CGGBP1: variants seen among roughly 807,000 people sequenced by gnomAD.
CGGBP1 encodes the protein CGG triplet repeat binding protein 1.
CGGBP1 carries 4 observed loss-of-function variants against 11.4 expected under a neutral mutation model. That is an observed-to-expected ratio of 0.35 (90% CI 0.17 to 0.80). CGGBP1 has a LOEUF of 0.80. Ranked by LOEUF, CGGBP1 falls within the 30% of genes least tolerant of loss-of-function variation. CGGBP1 has a pLI of 0.52. For missense variants in CGGBP1, 135 were observed against 202.1 expected (o/e 0.67, Z 2.01); for synonymous variants, 76 against 74.1 (o/e 1.03, Z -0.13).
chr3:88,118,318 A>G (rs2107788430), intron 2 of CGGBP1, among the ~76,000 whole-genome samples: 1 of 152,202 alleles, frequency 6.6e-6, no homozygotes, highest in East Asian at 1.9e-4. Context: ...ATGGGATATC[A>G]TGTCCCAAGC....
At chr3:88,071,634 T>C (rs1371240702) in intron 2 of CGGBP1, among the ~76,000 whole-genome samples, 3 of 43,666 alleles carry the variant, frequency 6.9e-5, no homozygotes, top group Non-Finnish European at 1.6e-4. Context: ...AGACTCCATC[T>C]CAAAAACAAA....
upstream of CGGBP1, among the ~76,000 whole-genome samples, chr3:88,059,841 T>C (rs1013175322): frequency 2.0e-5 from 3 of 152,268 alleles, no homozygotes; most frequent in South Asian, 2.1e-4. Context: ...GCCTTTCTTA[T>C]GTTTCCTACC....
intron 2 of CGGBP1, among the ~76,000 whole-genome samples, chr3:88,081,386 A>C (rs1708067065): frequency 6.6e-6 from 1 of 152,114 alleles, no homozygotes; most frequent in Admixed American, 6.6e-5. Context: ...TTGAGACTGC[A>C]AATCCTGCTT....
intron 2 of CGGBP1, among the ~76,000 whole-genome samples, chr3:88,077,517 A>T (rs1576217917): frequency 7.1e-6 from 1 of 140,728 alleles, no homozygotes; most frequent in South Asian, 2.3e-4. Flanking sequence ...TGATTTTTTT[A>T]GTAGAGACGG....
intron 2 of CGGBP1, chr3:88,129,013 T>C: frequency 6.5e-7 from 1 of 1,529,038 alleles, no homozygotes; most frequent in African/African-American, 1.4e-5. Flanking sequence ...TTCCGGGAGG[T>C]ATTGTTTGAG....
intron 2 of CGGBP1, among the ~76,000 whole-genome samples, chr3:88,100,948 T>C (rs1209765740): frequency 1.3e-5 from 2 of 152,112 alleles, no homozygotes; most frequent in East Asian, 3.8e-4. Context: ...ACCCTAAAAC[T>C]TAAAGTATAA....
chr3:88,109,699 G>T (rs1704974130), intron 2 of CGGBP1, among the ~76,000 whole-genome samples: 1 of 151,950 alleles, frequency 6.6e-6, no homozygotes, highest in African/African-American at 2.4e-5. Context: ...ATTTTGTTTG[G>T]GAATATCCCG....
chr3:88,125,215 C>CAA (rs71272834), intron 2 of CGGBP1, among the ~76,000 whole-genome samples: 5 of 120,972 alleles, frequency 4.1e-5, no homozygotes, highest in South Asian at 2.5e-4. Context: ...GACTCCATCT[C>CAA]AAAAAAAAAA....
intron 2 of CGGBP1, among the ~76,000 whole-genome samples, chr3:88,087,721 C>A (rs975216351): frequency 6.6e-6 from 1 of 152,126 alleles, no homozygotes; most frequent in African/African-American, 2.4e-5. Context: ...CAGAGTATGT[C>A]TCATAGGATA....
intron 3 of CGGBP1, 34 bp from the exon 4 acceptor site, chr3:88,056,033 TAAC>T: frequency 2.1e-6 from 3 of 1,457,120 alleles, no homozygotes; most frequent in East Asian, 2.3e-5. Flanking sequence ...ATGAGTATTA[TAAC>T]AACAGTTCAT....
In CGGBP1 at chr3:88,054,611, A is replaced by T. The variant is rs972432767; in HGVS notation, c.*862T>A. The T allele has an allele frequency of 6.6e-6, 1 of 152,496 alleles. No homozygotes were observed. The highest frequency in any genetic ancestry group is 6.5e-5 in the Admixed American group (1 of 15,288). The allele number at this position is 152,496 out of a possible 1,614,324, so 9.4% of individuals were successfully genotyped here. ...TCTGTCAGCCAAAAAAAAATTACTA[A>T]TTCTCTATAATAAAGAGAAAACTCA... On this transcript the variant is annotated 3_prime_UTR_variant, in exon 4 of 4. Coordinates refer to ENST00000482016, the MANE Select transcript of CGGBP1 (RefSeq NM_001008390.2).
upstream of CGGBP1, chr3:88,059,569 T>C (rs2107571074): frequency 6.9e-7 from 1 of 1,442,802 alleles, no homozygotes; most frequent in East Asian, 2.5e-5. Flanking sequence ...CGTCTCCTGG[T>C]CTTCTCGTCC....
At chr3:88,143,376 C>T (rs1179852686) in intron 1 of CGGBP1, 6 of 152,078 alleles carry the variant, frequency 3.9e-5, no homozygotes, top group Non-Finnish European at 8.9e-5. Context: ...AAACACAGCT[C>T]ATAATTAAAA....
chr3:88,114,280 G>A (rs1460707418), intron 2 of CGGBP1, among the ~76,000 whole-genome samples: 1 of 152,108 alleles, frequency 6.6e-6, no homozygotes, highest in East Asian at 1.9e-4. Flanking sequence ...AGTATTAAAT[G>A]GGGAGGTAAA....
chr3:88,075,882 C>T (rs183077366), intron 2 of CGGBP1, among the ~76,000 whole-genome samples: 1 of 152,280 alleles, frequency 6.6e-6, no homozygotes, highest in East Asian at 1.9e-4. Flanking sequence ...ATTTTGCTCA[C>T]TCTTGTATCT....
chr3:88,094,898 A>G (rs1442235513), intron 2 of CGGBP1, among the ~76,000 whole-genome samples: 2 of 152,126 alleles, frequency 1.3e-5, no homozygotes, highest in Non-Finnish European at 2.9e-5. Context: ...AAAAAATTAC[A>G]TGAAATGCTT....
upstream of CGGBP1, among the ~76,000 whole-genome samples, chr3:88,060,094 AG>A: frequency 6.6e-6 from 1 of 152,108 alleles, no homozygotes; most frequent in South Asian, 2.1e-4. Flanking sequence ...TCGGACAGAG[AG>A]TGCGTTAAGG....
intron 2 of CGGBP1, among the ~76,000 whole-genome samples, chr3:88,092,018 A>G (rs956476832): frequency 7.2e-5 from 11 of 152,264 alleles, no homozygotes; most frequent in East Asian, 3.8e-4. Flanking sequence ...AAGATGTTCA[A>G]TGTAAGGCAA....
intron 2 of CGGBP1, among the ~76,000 whole-genome samples, chr3:88,068,919 T>G (rs1262211217): frequency 6.6e-6 from 1 of 152,166 alleles, no homozygotes; most frequent in African/African-American, 2.4e-5. Flanking sequence ...TACATTGTAT[T>G]GTATCTAGGA....
Sources: gnomAD v4.1 joint callset for allele counts (sites outside exome capture counted in the v4.1 genomes callset) on GRCh38, gnomAD v4.1.1 for gene constraint, MANE v1.5 for transcripts, NCBI Gene and HGNC (gene_info 2026-07-23, HGNC 2026-07-21) for gene names.